The following RAP1GAP2 variants were observed in gnomAD, a reference collection of about 807,000 sequenced individuals.
The protein encoded by RAP1GAP2 is RAP1 GTPase activating protein 2, also known as rap1 GTPase-activating protein 2.
RAP1GAP2 carries 27 observed loss-of-function variants against 95.0 expected under a neutral mutation model. That is an observed-to-expected ratio of 0.28 (90% CI 0.21 to 0.39). The LOEUF is 0.39. RAP1GAP2 is among the 10% of genes least tolerant of loss of function. RAP1GAP2 has a pLI of 1.00. For missense variants in RAP1GAP2, 771 were observed against 970.0 expected, an observed-to-expected ratio of 0.79 and a Z score of 2.72; for synonymous variants, 373 against 380.9, an observed-to-expected ratio of 0.98 and a Z score of 0.24.
rs376702696 is a variant in RAP1GAP2 at position 2,984,949 on chromosome 17, A to T, written c.730-34A>T. 2.7e-5 allele frequency: 44 copies of T among 1,603,906 alleles called. No individual in the cohort carries two copies. In the African/African-American group the frequency reaches 5.9e-4, roughly 21 times the overall value. On this transcript the variant is annotated intron_variant, in intron 10 of 24. Coordinates refer to ENST00000254695, the MANE Select transcript of RAP1GAP2 (RefSeq NM_015085.5). ...CCTCACTTGCTTCCAAATTTAACAA[A>T]TGTTGATTTTTTTTTTCTTGCCACA...
At chr17:2,891,823 T>TTTTTTTTTTTTTTTTTTTTTTTTTTC (rs2073731533) in intron 2 of RAP1GAP2, among the ~76,000 whole-genome samples, 1 of 114,522 alleles carries the variant, frequency 8.7e-6, no homozygotes, top group African/African-American at 3.4e-5. Flanking sequence ...TCTTTTTTTT[T>TTTTTTTTTTTTTTTTTTTTTTTTTTC]TTTTTTTTTT....
At chr17:3,015,661 A>G (rs2046738034) in intron 17 of RAP1GAP2, among the ~76,000 whole-genome samples, 1 of 152,162 alleles carries the variant, frequency 6.6e-6, no homozygotes, top group South Asian at 2.1e-4. Flanking sequence ...TACTAAAAAT[A>G]CAAAAATTAG....
chr17:2,797,848 T>C lies in RAP1GAP2; in HGVS notation c.44+1277T>C. The C allele has an allele frequency of 1.1e-6, 1 of 933,466 alleles. No individual in the cohort carries two copies. The highest frequency in any genetic ancestry group is 1.3e-6 in the Non-Finnish European group (1 of 782,744). 57.8% of individuals were successfully genotyped at this position (933,466 alleles called of 1,614,324 possible). ...CTGGTTGGGAGGGGTGTGTGTGTCT[T>C]GGCTGTGGGCCTTGCAGGGCAGGGC... is the stretch of plus-strand genomic sequence containing the variant. On this transcript the variant is annotated intron_variant, in intron 1 of 24. Coordinates refer to ENST00000254695, the MANE Select transcript of RAP1GAP2 (RefSeq NM_015085.5). The surrounding 1 kb of genome is among the most constrained non-coding windows in gnomAD (Gnocchi z 5.6).
Position 2,903,144 on chromosome 17 carries a change from G to A in RAP1GAP2, c.81-2140G>A, listed in dbSNP as rs993601929. Among the ~76,000 whole-genome samples, 3 of 152,268 alleles carry A rather than the reference G, an allele frequency of 2.0e-5. No homozygotes were observed. Among genetic ancestry groups the A allele is most frequent in the South Asian group, 4.1e-4 (2 of 4,822 alleles). On this transcript the variant is annotated intron_variant, in intron 2 of 24. Coordinates refer to ENST00000254695, the MANE Select transcript of RAP1GAP2 (RefSeq NM_015085.5). This position sits in a 1 kb window ranked among gnomAD's most constrained non-coding sequence, Gnocchi z 4.1. The stretch of plus-strand genomic sequence containing the variant: ...CTTGTTTTACTTCCCCTCCCTGCGT[G>A]CTTTTCCTTGCTGGGCTCCTAGCCT...
chr17:2,815,513 G>A (rs1597362275), intron 2 of RAP1GAP2, among the ~76,000 whole-genome samples: 1 of 147,580 alleles, frequency 6.8e-6, no homozygotes, highest in East Asian at 2.0e-4. Flanking sequence ...ACAGAGTCTC[G>A]CTTTGTCACC....
At position 3,029,332 on chromosome 17, in the gene RAP1GAP2, G is replaced by A. The variant is rs767476624; in HGVS notation, c.2108-1590G>A. Among the ~76,000 whole-genome samples, 5 of 152,142 alleles carry A rather than the reference G, an allele frequency of 3.3e-5. No homozygotes were observed. The highest frequency in any genetic ancestry group is 4.8e-5 in the African/African-American group (2 of 41,430). On this transcript the variant is annotated intron_variant, in intron 22 of 24. Coordinates refer to ENST00000254695, the MANE Select transcript of RAP1GAP2 (RefSeq NM_015085.5). This position sits in a 1 kb window ranked among gnomAD's most constrained non-coding sequence, Gnocchi z 4.4. Reference sequence around the variant, plus strand: ...ATGGCCGGTGCTTCCCACACCACACGGTGAGGCTGCCTCTTACACACCTTT... The same window carrying A: ...ATGGCCGGTGCTTCCCACACCACACAGTGAGGCTGCCTCTTACACACCTTT...
At chr17:2,812,033 A>G (rs2069790828) in intron 2 of RAP1GAP2, among the ~76,000 whole-genome samples, 1 of 152,152 alleles carries the variant, frequency 6.6e-6, no homozygotes, top group Non-Finnish European at 1.5e-5. Flanking sequence ...GGAGTTTTAG[A>G]CAAAATCTTG....
intron 3 of RAP1GAP2, among the ~76,000 whole-genome samples, chr17:2,927,267 C>A (rs1407528439): frequency 6.6e-6 from 1 of 151,920 alleles, no homozygotes; most frequent in Non-Finnish European, 1.5e-5. Flanking sequence ...CGTTCTCCTG[C>A]CTCAGCCTCC....
At chr17:2,830,531 T>C (rs9889275) in intron 2 of RAP1GAP2, among the ~76,000 whole-genome samples, 73,621 of 151,560 alleles carry the variant, frequency 0.49, 18,647 homozygotes, top group Non-Finnish European at 0.58. Flanking sequence ...CTGGCTAACA[T>C]GGTGAAACCC....
chr17:2,816,327 C>T (rs2070024525), intron 2 of RAP1GAP2, among the ~76,000 whole-genome samples: 1 of 151,080 alleles, frequency 6.6e-6, no homozygotes, highest in Non-Finnish European at 1.5e-5. Context: ...TCATTTTCAT[C>T]AAACCCTCTT....
intron 23 of RAP1GAP2, 74 bp downstream of exon 23, chr17:3,031,072 A>G: frequency 1.5e-5 from 22 of 1,439,162 alleles, no homozygotes; most frequent in Non-Finnish European, 2.1e-5. Context: ...GGCCAGAGGA[A>G]GAGGGTTCAG....
Position 3,005,122 on chromosome 17 carries a change from A to G in RAP1GAP2, c.1201-247A>G, listed in dbSNP as rs891651501. Among the ~76,000 whole-genome samples the G allele has an allele frequency of 1.3e-5, 2 of 152,092 alleles. No individual in the cohort carries two copies. Among genetic ancestry groups the G allele is most frequent in the Admixed American group, 1.3e-4 (2 of 15,272 alleles). ...ATTAGGGTCCCAGCCCTGTCCAGTC[A>G]TCTTGCCAAACCTGCTTCTGGCCTC... On this transcript the variant is annotated intron_variant, in intron 14 of 24. Coordinates refer to ENST00000254695, the MANE Select transcript of RAP1GAP2 (RefSeq NM_015085.5). This position sits in a 1 kb window ranked among gnomAD's most constrained non-coding sequence, Gnocchi z 5.2.
At chr17:2,925,769 G>C (rs1315036906) in intron 3 of RAP1GAP2, among the ~76,000 whole-genome samples, 1 of 152,154 alleles carries the variant, frequency 6.6e-6, no homozygotes, top group Non-Finnish European at 1.5e-5. Flanking sequence ...AGCAGCCCTG[G>C]TCAGATCTGG....
intron 2 of RAP1GAP2, among the ~76,000 whole-genome samples, chr17:2,821,424 G>A (rs1439882795): frequency 1.4e-5 from 2 of 142,864 alleles, no homozygotes; most frequent in East Asian, 2.1e-4. Flanking sequence ...CGCCCAGGCT[G>A]GAGTGCAGTG....
chr17:2,991,374 G>A lies in RAP1GAP2; in HGVS notation c.891G>A (p.Thr297=), dbSNP rs548196782. 21 of 1,602,824 alleles carry A rather than the reference G, an allele frequency of 1.3e-5. No individual in the cohort carries two copies. The highest frequency in any genetic ancestry group is 8.6e-5 in the Admixed American group (5 of 58,146). ...FKEFLDLLGD[T]ITLQDFKGFR... is the part of the protein sequence containing the mutation. The stretch of plus-strand genomic sequence containing the variant: ...AGTTCTTGGACCTGCTGGGGGACAC[G>A]ATCACACTGCAGGATTTCAAAGGGT... Residue 297 remains threonine (T), a synonymous_variant, in exon 12 of 25, where the codon ACG becomes ACA. Transcript: ENST00000254695.
chr17:2,943,507 T>C (rs1401203305), intron 3 of RAP1GAP2, among the ~76,000 whole-genome samples: 1 of 151,764 alleles, frequency 6.6e-6, no homozygotes, highest in African/African-American at 2.4e-5. Context: ...ATCCTGTCTC[T>C]ACTAAAAATT....
intron 3 of RAP1GAP2, among the ~76,000 whole-genome samples, chr17:2,942,994 C>T (rs2043559454): frequency 6.6e-6 from 1 of 152,140 alleles, no homozygotes; most frequent in African/African-American, 2.4e-5. Context: ...GTCTTGAACT[C>T]CTGACCTCAA....
At position 2,855,212 on chromosome 17, in the gene RAP1GAP2, C is replaced by T. The variant is rs1397808425; in HGVS notation, c.81-50072C>T. Among the ~76,000 whole-genome samples the T allele has an allele frequency of 6.6e-6, 1 of 152,148 alleles. No individual in the cohort carries two copies. The highest frequency in any genetic ancestry group is 1.5e-5 in the Non-Finnish European group (1 of 68,024). ...AATGTGTGTAACAAGATGTTGCCCG[C>T]TGCACAGAATGAATTTCCCGTGAAA... On this transcript the variant is annotated intron_variant, in intron 2 of 24. Coordinates refer to ENST00000254695, the MANE Select transcript of RAP1GAP2 (RefSeq NM_015085.5). The surrounding 1 kb of genome is among the most constrained non-coding windows in gnomAD (Gnocchi z 4.3).
At chr17:2,769,410 C>T (rs1340285261) in intron 1 of RAP1GAP2, among the ~76,000 whole-genome samples, 1 of 151,214 alleles carries the variant, frequency 6.6e-6, no homozygotes, top group Admixed American at 6.6e-5. Context: ...AAAAAATTAG[C>T]CGGGCGTGGC....
Sources: allele counts gnomAD v4.1 joint callset (sites outside exome capture counted in the v4.1 genomes callset), GRCh38; gene constraint gnomAD v4.1.1; non-coding constraint Gnocchi (gnomAD v3.1); transcripts MANE v1.5; gene names NCBI Gene and HGNC (gene_info 2026-07-23, HGNC 2026-07-21).